Variants in DLG2 observed in about 807,000 individuals in gnomAD.
DLG2 encodes the protein discs large MAGUK scaffold protein 2, also known as disks large homolog 2.
In DLG2, 45 loss-of-function variants were observed where a neutral mutation model predicts 132.5. The observed-to-expected ratio is 0.34, with a 90% CI of 0.27 to 0.44. DLG2 has a LOEUF of 0.44. Ranked by LOEUF, DLG2 falls within the 20% of genes least tolerant of loss-of-function variation. The pLI, the probability that DLG2 is intolerant of heterozygous loss-of-function variation, is 1.00. For synonymous variants in DLG2, 424 were observed against 419.6 expected, an observed-to-expected ratio of 1.01 and a Z score of -0.13; for missense variants, 1,045 against 1,196.9, an observed-to-expected ratio of 0.87 and a Z score of 1.87.
intron 14 of DLG2, among the ~76,000 whole-genome samples, chr11:83,956,817 G>A (rs1182058992): frequency 2.0e-5 from 3 of 152,074 alleles, no homozygotes; most frequent in Non-Finnish European, 4.4e-5. Flanking sequence ...GTTCCTAATG[G>A]GTACCATAAA....
At chr11:84,502,201 TC>T (rs1466279898) in intron 7 of DLG2, among the ~76,000 whole-genome samples, 146 of 6,000 alleles carry the variant, frequency 0.024, 36 homozygotes, top group East Asian at 0.14. Flanking sequence ...TCTCTCTCTC[TC>T]CTTCCTTCCT....
intron 4 of DLG2, among the ~76,000 whole-genome samples, chr11:85,235,339 G>T (rs2075528208): frequency 1.3e-5 from 2 of 151,872 alleles, no homozygotes; most frequent in Non-Finnish European, 2.9e-5. Context: ...TTGGGATATT[G>T]TATGCCTATG....
intron 6 of DLG2, among the ~76,000 whole-genome samples, chr11:84,604,768 A>G (rs903233726): frequency 1.3e-5 from 2 of 152,000 alleles, no homozygotes; most frequent in Non-Finnish European, 2.9e-5. Context: ...TGTAGTCATG[A>G]TGGTTTACAC....
chr11:85,607,329 A>G (rs1207286391), intron 2 of DLG2, among the ~76,000 whole-genome samples: 6 of 152,184 alleles, frequency 3.9e-5, no homozygotes, highest in Admixed American at 2.0e-4. Context: ...TTCTGGGCTG[A>G]GCCAAGGGTC....
intron 10 of DLG2, among the ~76,000 whole-genome samples, chr11:84,071,845 T>G (rs1035477535): frequency 6.6e-6 from 1 of 152,176 alleles, no homozygotes; most frequent in African/African-American, 2.4e-5. Flanking sequence ...ATATAACAAA[T>G]AGAGGGAGAA....
intron 14 of DLG2, among the ~76,000 whole-genome samples, chr11:83,935,980 C>T (rs1278105232): frequency 1.3e-5 from 2 of 152,156 alleles, no homozygotes; most frequent in Admixed American, 6.5e-5. Flanking sequence ...TTAGTTCAGT[C>T]CGTGGCACTT....
At chr11:85,533,500 C>A (rs894745068) in intron 3 of DLG2, among the ~76,000 whole-genome samples, 1 of 149,086 alleles carries the variant, frequency 6.7e-6, no homozygotes, top group Non-Finnish European at 1.5e-5. Flanking sequence ...AGCTGAATAG[C>A]ATTCCAGGGT....
intron 6 of DLG2, among the ~76,000 whole-genome samples, chr11:84,673,352 A>C (rs1218186619): frequency 1.3e-5 from 2 of 152,076 alleles, no homozygotes; most frequent in South Asian, 4.1e-4. Context: ...GAGCGGTAGC[A>C]TGGTGTAGAT....
At chr11:84,226,455 C>T (rs933244835) in intron 8 of DLG2, among the ~76,000 whole-genome samples, 2 of 152,120 alleles carry the variant, frequency 1.3e-5, no homozygotes, top group Non-Finnish European at 2.9e-5. Context: ...ATTCAGGGAT[C>T]AAAATGTCAC....
At chr11:85,427,745 C>T (rs2090872316) in intron 3 of DLG2, among the ~76,000 whole-genome samples, 1 of 152,190 alleles carries the variant, frequency 6.6e-6, no homozygotes, top group Non-Finnish European at 1.5e-5. Flanking sequence ...CAGCTGACAT[C>T]ATAATGACAG....
chr11:85,320,959 T>A (rs1488412592), intron 3 of DLG2, among the ~76,000 whole-genome samples: 1 of 151,798 alleles, frequency 6.6e-6, no homozygotes, highest in Admixed American at 6.6e-5. Flanking sequence ...AGAAATTTTA[T>A]GATCTAACTT....
chr11:83,534,734 C>T (rs533900048), intron 20 of DLG2, among the ~76,000 whole-genome samples: 11 of 152,036 alleles, frequency 7.2e-5, no homozygotes, highest in East Asian at 1.9e-4. Context: ...GTCAGGAGTT[C>T]GAGACCCGCC....
At chr11:85,424,420 G>T (rs2090557163) in intron 3 of DLG2, among the ~76,000 whole-genome samples, 1 of 152,102 alleles carries the variant, frequency 6.6e-6, no homozygotes, top group African/African-American at 2.4e-5. Context: ...CTGCAATCTA[G>T]TCCTACCTCC....
chr11:84,652,542 G>A (rs186104300), intron 6 of DLG2, among the ~76,000 whole-genome samples: 146 of 152,294 alleles, frequency 9.6e-4, no homozygotes, highest in African/African-American at 3.3e-3. Context: ...TATGGAATGT[G>A]TAAGGAAAGA....
At chr11:85,552,288 C>T (rs994630451) in intron 3 of DLG2, among the ~76,000 whole-genome samples, 1 of 151,414 alleles carries the variant, frequency 6.6e-6, no homozygotes, top group African/African-American at 2.4e-5. Flanking sequence ...AACAGTGGAA[C>T]TCCTGGAATA....
At chr11:85,062,846 G>T (rs2064315096) in intron 6 of DLG2, among the ~76,000 whole-genome samples, 1 of 151,680 alleles carries the variant, frequency 6.6e-6, no homozygotes, top group South Asian at 2.1e-4. Flanking sequence ...CTAGGTTGTG[G>T]TTTTTGAAAT....
rs184167996 is a variant in DLG2, at chr11:84,291,266, A to G, written c.520-39975T>C. Among the ~76,000 whole-genome samples the G allele has an allele frequency of 2.0e-3, 307 of 152,260 alleles. 5 individuals carry two copies. The highest frequency in any genetic ancestry group is 0.018 in the Admixed American group (272 of 15,284). Reference sequence around the variant, plus strand: ...AATAAATCCAATCAGGTACAAGGTGAGAAGTTATGGTTAAAATAAAACAGA... The same window carrying G: ...AATAAATCCAATCAGGTACAAGGTGGGAAGTTATGGTTAAAATAAAACAGA... On this transcript the variant is annotated intron_variant, in intron 7 of 27. Coordinates refer to ENST00000376104, the MANE Select transcript of DLG2 (RefSeq NM_001142699.3).
At chr11:84,030,912 T>A (rs1378151762) in intron 11 of DLG2, among the ~76,000 whole-genome samples, 1 of 152,084 alleles carries the variant, frequency 6.6e-6, no homozygotes, top group Admixed American at 6.6e-5. Context: ...TGCCTGAATC[T>A]CAATAGAGGG....
intron 4 of DLG2, among the ~76,000 whole-genome samples, chr11:85,166,793 T>C (rs1222309443): frequency 2.6e-5 from 4 of 152,214 alleles, no homozygotes; most frequent in African/African-American, 4.8e-5. Context: ...AGATATTAAG[T>C]TGTTTAATTA....
Sources: allele counts gnomAD v4.1 joint callset (sites outside exome capture counted in the v4.1 genomes callset), GRCh38; gene constraint gnomAD v4.1.1; transcripts MANE v1.5; gene names NCBI Gene and HGNC (gene_info 2026-07-23, HGNC 2026-07-21).